ALG14: variants seen among roughly 807,000 people sequenced by gnomAD.
ALG14 encodes ALG14 UDP-N-acetylglucosaminyltransferase subunit.
ALG14 carries 17 observed loss-of-function variants against 22.8 expected under a neutral mutation model. The observed-to-expected ratio is 0.75, with a 90% CI of 0.51 to 1.12. ALG14 has a LOEUF of 1.12. ALG14 is among the 50% of genes most tolerant of loss of function. The pLI is 0.00. For synonymous variants in ALG14, 89 were observed against 103.7 expected, an observed-to-expected ratio of 0.86 and a Z score of 0.86; for missense variants, 288 against 271.8, an observed-to-expected ratio of 1.06 and a Z score of -0.42.
chr1:95,051,128 G>C (rs1206012081), intron 2 of ALG14, among the ~76,000 whole-genome samples: 1 of 152,008 alleles, frequency 6.6e-6, no homozygotes, highest in Admixed American at 6.6e-5. Context: ...CTTCCCTTCT[G>C]AACCTCAGAC....
At chr1:95,023,468 C>T (rs996108935) in intron 3 of ALG14, among the ~76,000 whole-genome samples, 1 of 152,138 alleles carries the variant, frequency 6.6e-6, no homozygotes, top group Non-Finnish European at 1.5e-5. Flanking sequence ...ACAGCTCAAA[C>T]TGGGTATGAA....
chr1:95,048,887 C>T (rs1352840870), intron 2 of ALG14, among the ~76,000 whole-genome samples: 3 of 151,888 alleles, frequency 2.0e-5, no homozygotes, highest in Middle Eastern at 3.4e-3. Flanking sequence ...ACTTAAACTA[C>T]TCAGAGAAAG....
Position 94,981,447 on chromosome 1 carries a change from G to GA in ALG14, c.*1628_*1629insT, listed in dbSNP as rs1672490014. The GA allele has an allele frequency of 8.7e-6, 1 of 114,592 alleles. No homozygotes were observed. Among genetic ancestry groups the GA allele is most frequent in the African/African-American group, 3.4e-5 (1 of 29,460 alleles). 7.1% of individuals were successfully genotyped at this position (114,592 alleles called of 1,614,324 possible). A position where few individuals can be genotyped will look rare whatever the true frequency, so the allele number is the denominator to read the frequency against. On this transcript the variant is annotated 3_prime_UTR_variant, in exon 4 of 4. Transcript: ENST00000370205. ...ATGATTCAGAGAAGACAGTTTTTTT[G>GA]TTTTTTTTGCTTTTTTTTTTTAAAA...
chr1:94,983,220 A>C lies in ALG14; in HGVS notation c.507T>G (p.Ile169Met). The C allele has an allele frequency of 6.2e-7, 1 of 1,614,170 alleles. No homozygotes were observed. The highest frequency in any genetic ancestry group is 8.5e-7 in the Non-Finnish European group (1 of 1,180,014). ...CACGGCAGATGCTTTCAACGTAGAC[A>C]ATGATCACTTTCTTTATTCCTAGTA... ...LGILGIKKVIIVYVESICRVE... is the reference protein window; with the variant it reads ...LGILGIKKVIMVYVESICRVE... The change falls in exon 4 of 4, where the codon ATT becomes ATG. Residue 169 changes from isoleucine to methionine, a missense_variant. Ile to Met is a conservative substitution (Grantham distance 10). Transcript: ENST00000370205.
chr1:95,003,258 A>G (rs1673114912), intron 3 of ALG14, among the ~76,000 whole-genome samples: 2 of 152,202 alleles, frequency 1.3e-5, no homozygotes, highest in South Asian at 4.1e-4. Context: ...CAACAATACC[A>G]GAGGTGCTCA....
intron 2 of ALG14, among the ~76,000 whole-genome samples, chr1:95,045,529 T>C (rs1327820616): frequency 6.6e-6 from 1 of 152,062 alleles, no homozygotes; most frequent in East Asian, 1.9e-4. Context: ...TCCAAATCAG[T>C]AGTATGTGTA....
In ALG14 at chr1:95,069,849, C is replaced by T. The variant is rs188386008; in HGVS notation, c.136+2914G>A. On this transcript the variant is annotated intron_variant, in intron 1 of 3. Transcript: ENST00000370205. ...CTTCTCCCAAAAGCTGGTCATAAAA[C>T]CTAAAAATACTACTCTAATTTTACT... Among the ~76,000 whole-genome samples, 137 of 152,190 alleles carry T rather than the reference C, an allele frequency of 9.0e-4. 1 individual carries two copies. The highest frequency in any genetic ancestry group is 1.8e-3 in the Admixed American group (28 of 15,290).
chr1:95,058,553 G>A (rs1675020640), intron 2 of ALG14, among the ~76,000 whole-genome samples: 1 of 150,392 alleles, frequency 6.6e-6, no homozygotes, highest in South Asian at 2.1e-4. Flanking sequence ...GGAAGTGGAG[G>A]TTGTAGTGAG....
At chr1:94,986,522 T>C (rs536460107) in intron 3 of ALG14, among the ~76,000 whole-genome samples, 12 of 152,242 alleles carry the variant, frequency 7.9e-5, no homozygotes, top group Admixed American at 3.9e-4. Context: ...CACCAGGCTA[T>C]AGTGCAGTAG....
Position 95,064,871 on chromosome 1 carries a change from T to C in ALG14, c.283A>G (p.Asn95Asp), listed in dbSNP as rs1314067926. ...AAATAGAAATTGTCACTTACCATGT[T>C]ACTAGGGTCTCTATCAGCTCGATCT... ...ELDRADRDPS[N>D]MYTKYYIHRI... The change falls in exon 2 of 4, where the codon AAC (asparagine) becomes GAC (aspartate). Residue 95 changes from asparagine (N) to aspartate (D), a missense_variant. Coordinates refer to ENST00000370205, the MANE Select transcript of ALG14 (RefSeq NM_144988.4). 1 of 1,611,656 alleles carries C rather than the reference T, an allele frequency of 6.2e-7. No individual in the cohort carries two copies. Among genetic ancestry groups the C allele is most frequent in the Admixed American group, 1.7e-5 (1 of 59,476 alleles).
At chr1:95,004,393 C>T (rs1049712277) in intron 3 of ALG14, among the ~76,000 whole-genome samples, 4 of 150,512 alleles carry the variant, frequency 2.7e-5, no homozygotes, top group African/African-American at 9.8e-5. Context: ...GGCTAATTTT[C>T]GTATTTTTAG....
At chr1:95,071,210 C>A (rs1400873888) in intron 1 of ALG14, among the ~76,000 whole-genome samples, 1 of 152,094 alleles carries the variant, frequency 6.6e-6, no homozygotes, top group East Asian at 1.9e-4. Flanking sequence ...TGGTCTTAAC[C>A]CCTACATGAT....
chr1:94,998,646 G>A (rs909052894), intron 3 of ALG14, among the ~76,000 whole-genome samples: 1 of 152,212 alleles, frequency 6.6e-6, no homozygotes. Flanking sequence ...TACAGATGCT[G>A]TAGTCTCAGG....
Position 94,982,858 on chromosome 1 carries a change from G to A in ALG14, c.*218C>T, listed in dbSNP as rs1672531712. The A allele has an allele frequency of 2.0e-6, 1 of 495,746 alleles. No individual in the cohort carries two copies. Among genetic ancestry groups the A allele is most frequent in the Non-Finnish European group, 3.5e-6 (1 of 282,694 alleles). 30.7% of individuals were successfully genotyped at this position (495,746 alleles called of 1,614,324 possible). ...ATCTAGAAAAGAAATTTGGTTTACAGAGGCATAAACATTTAGTAGTTACGT... is the reference window on the plus strand; with the variant it reads ...ATCTAGAAAAGAAATTTGGTTTACAAAGGCATAAACATTTAGTAGTTACGT... On this transcript the variant is annotated 3_prime_UTR_variant, in exon 4 of 4. Coordinates refer to ENST00000370205, the MANE Select transcript of ALG14 (RefSeq NM_144988.4).
chr1:94,982,861 G>T lies in ALG14; in HGVS notation c.*215C>A. 1 of 526,582 alleles carries T rather than the reference G, an allele frequency of 1.9e-6. No individual in the cohort carries two copies. The highest frequency in any genetic ancestry group is 3.3e-6 in the Non-Finnish European group (1 of 299,180). 32.6% of individuals were successfully genotyped at this position (526,582 alleles called of 1,614,324 possible). A position where few individuals can be genotyped will look rare whatever the true frequency, so the allele number is the denominator to read the frequency against. On this transcript the variant is annotated 3_prime_UTR_variant, in exon 4 of 4. Coordinates refer to ENST00000370205, the MANE Select transcript of ALG14 (RefSeq NM_144988.4). ...TAGAAAAGAAATTTGGTTTACAGAG[G>T]CATAAACATTTAGTAGTTACGTTTA... is the stretch of plus-strand genomic sequence containing the variant.
chr1:95,038,216 C>T (rs1051552414), intron 2 of ALG14, among the ~76,000 whole-genome samples: 12 of 152,030 alleles, frequency 7.9e-5, no homozygotes, highest in East Asian at 1.9e-4. Context: ...CGGTGGCTTA[C>T]GCCTGTAATG....
At chr1:95,021,669 T>G (rs977130189) in intron 3 of ALG14, among the ~76,000 whole-genome samples, 4 of 152,302 alleles carry the variant, frequency 2.6e-5, no homozygotes, top group African/African-American at 9.6e-5. Flanking sequence ...GAATTATTCA[T>G]GCATCTAAGG....
rs746084809 is a variant in ALG14, at chr1:94,983,144, A to G, written c.583T>C (p.Phe195Leu). The change falls in exon 4 of 4, where the codon TTC becomes CTC. Residue 195 changes from phenylalanine to leucine, a missense_variant. Coordinates refer to ENST00000370205, the MANE Select transcript of ALG14 (RefSeq NM_144988.4). ...GKILFHLSDYFIVQWPALKEK... is the reference protein window; with the variant it reads ...GKILFHLSDYLIVQWPALKEK... The stretch of plus-strand genomic sequence containing the variant: ...TTCAGAGCCGGCCACTGAACAATGA[A>G]GTAATCTGAGAGATGAAACAGAATC... 2 of 1,614,176 alleles carry G rather than the reference A, an allele frequency of 1.2e-6. No individual in the cohort carries two copies. The highest frequency in any genetic ancestry group is 1.7e-6 in the Non-Finnish European group (2 of 1,180,026).
chr1:95,064,680 T>C (rs1440746539), intron 2 of ALG14, among the ~76,000 whole-genome samples, 186 bp downstream of exon 2: 3 of 152,228 alleles, frequency 2.0e-5, no homozygotes, highest in Non-Finnish European at 4.4e-5. Context: ...CAACCATTTT[T>C]TAATTTGAAG....
Sources: gnomAD v4.1 joint callset for allele counts (sites outside exome capture counted in the v4.1 genomes callset) on GRCh38, gnomAD v4.1.1 for gene constraint, MANE v1.5 for transcripts, NCBI Gene and HGNC (gene_info 2026-07-23, HGNC 2026-07-21) for gene names.